The following AZIN1 variants were observed in gnomAD, a reference collection of about 807,000 sequenced individuals.
AZIN1 encodes the protein antizyme inhibitor 1.
In AZIN1, 12 loss-of-function variants were observed where a neutral mutation model predicts 47.4. The observed-to-expected ratio is 0.25, with a 90% CI of 0.16 to 0.41. The LOEUF (loss-of-function observed/expected upper bound fraction) is 0.41. AZIN1 is among the 10% of genes least tolerant of loss of function. AZIN1 has a pLI of 1.00. For missense variants in AZIN1, 410 were observed against 532.4 expected (o/e 0.77, Z 2.26); for synonymous variants, 155 against 176.3 (o/e 0.88, Z 0.96).
At chr8:102,834,850 C>A in intron 6 of AZIN1, 103 bp from the exon 7 acceptor site, 1 of 724,328 alleles carries the variant, frequency 1.4e-6, no homozygotes, top group Non-Finnish European at 2.3e-6. Context: ...CATTAAGTAT[C>A]CCCATTAACT....
chr8:102,833,213 A>T lies in AZIN1; in HGVS notation c.747T>A (p.Asn249Lys). ...TATCCAACAGAGGGCTGATAACATG[A>T]TTAACCTATGGATTTTAAATGCCAC... ...TGTEFQLEEVNHVISPLLDIY... is the reference protein window; with the variant it reads ...TGTEFQLEEVKHVISPLLDIY... The change falls in exon 9 of 12, where the codon AAT (asparagine) becomes AAA (lysine). Residue 249 changes from asparagine (N) to lysine (K), a missense_variant. Transcript: ENST00000337198. 6.2e-7 allele frequency: 1 copy of T among 1,611,762 alleles called. No homozygotes were observed. Among genetic ancestry groups the T allele is most frequent in the Non-Finnish European group, 8.5e-7 (1 of 1,179,084 alleles).
chr8:102,843,401 A>G, intron 3 of AZIN1, 150 bp downstream of exon 3: 1 of 622,216 alleles, frequency 1.6e-6, no homozygotes, highest in South Asian at 2.0e-5. Context: ...TCACTACTCA[A>G]GGGGAGTGGG....
At chr8:102,836,748 C>T (rs971311533) in intron 5 of AZIN1, among the ~76,000 whole-genome samples, 2 of 152,188 alleles carry the variant, frequency 1.3e-5, no homozygotes, top group African/African-American at 4.8e-5. Flanking sequence ...CCATCATTGT[C>T]TTTCAATAAA....
In AZIN1 at chr8:102,852,719, A is replaced by G. The variant is rs2164060; in HGVS notation, c.-96+5294T>C. ...TAATCCCCGTAACCCAGTATGCTAC[A>G]CAGTATTTTCTACTCATGCATAATG... is the stretch of plus-strand genomic sequence containing the variant. On this transcript the variant is annotated intron_variant, in intron 2 of 11. Transcript: ENST00000337198. Among the ~76,000 whole-genome samples, 40 of 152,344 alleles carry G rather than the reference A, an allele frequency of 2.6e-4. No individual in the cohort carries two copies. In the East Asian group the frequency reaches 4.8e-3, roughly 18 times the overall value.
At chr8:102,839,614 A>G (rs369049937) in intron 4 of AZIN1, 36 bp downstream of exon 4, 10 of 1,429,038 alleles carry the variant, frequency 7.0e-6, no homozygotes, top group African/African-American at 1.4e-5. Flanking sequence ...AAATTATTCA[A>G]TGTTTCAGTT....
chr8:102,849,016 A>C (rs994538506), intron 2 of AZIN1, among the ~76,000 whole-genome samples: 2 of 152,062 alleles, frequency 1.3e-5, no homozygotes, highest in African/African-American at 4.8e-5. Context: ...TCAATCTTCA[A>C]CACCACAGGG....
At chr8:102,840,105 T>C (rs1173925788) in intron 3 of AZIN1, among the ~76,000 whole-genome samples, 1 of 152,204 alleles carries the variant, frequency 6.6e-6, no homozygotes, top group Non-Finnish European at 1.5e-5. Context: ...TCAATTACAG[T>C]GACAAAAGTC....
intron 6 of AZIN1, chr8:102,835,005 T>C (rs1430859810): frequency 2.7e-6 from 1 of 373,368 alleles, no homozygotes; most frequent in Middle Eastern, 7.5e-4. Flanking sequence ...TCAGTACTGT[T>C]CCACGGTTAT....
At chr8:102,854,675 T>A (rs1292284670) in intron 2 of AZIN1, 1 of 149,588 alleles carries the variant, frequency 6.7e-6, no homozygotes, top group African/African-American at 2.4e-5. Context: ...GAGCTCCTAC[T>A]AAGGCATGTG....
At chr8:102,841,861 A>G (rs907233299) in intron 3 of AZIN1, among the ~76,000 whole-genome samples, 7 of 151,420 alleles carry the variant, frequency 4.6e-5, no homozygotes, top group Middle Eastern at 3.4e-3. Context: ...CTGTAATCCC[A>G]GCACTTTGGG....
Position 102,838,869 on chromosome 8 carries a change from A to G in AZIN1, c.324T>C (p.Ile108=). The G allele has an allele frequency of 2.5e-6, 4 of 1,613,734 alleles. No homozygotes were observed. Among genetic ancestry groups the G allele is most frequent in the Non-Finnish European group, 3.4e-6 (4 of 1,179,866 alleles). The stretch of plus-strand genomic sequence containing the variant: ...CTTGCTTGCAAGGACTTATGTAAAT[A>G]ATGTTTTCTGGAGGTACACCCAACT... ...VQELGVPPEN[I]IYISPCKQVS... Residue 108 remains isoleucine (I), a synonymous_variant, in exon 5 of 12, where the codon ATT becomes ATC. Coordinates refer to ENST00000337198, the MANE Select transcript of AZIN1 (RefSeq NM_148174.4).
At chr8:102,850,906 A>G (rs1448099578) in intron 2 of AZIN1, among the ~76,000 whole-genome samples, 1 of 152,238 alleles carries the variant, frequency 6.6e-6, no homozygotes, top group African/African-American at 2.4e-5. Context: ...CAACAGGCTA[A>G]GTTTGAAGTG....
rs146727615 is a variant in AZIN1 at position 102,838,862 on chromosome 8, T to C, written c.331A>G (p.Ile111Val). The C allele has an allele frequency of 2.0e-4, 321 of 1,613,748 alleles. No individual in the cohort carries two copies. Among genetic ancestry groups the C allele is most frequent in the Non-Finnish European group, 2.5e-4 (294 of 1,179,898 alleles). Residue 111 changes from isoleucine (I) to valine (V), a missense_variant, in exon 5 of 12, where the codon ATA becomes GTA. By Grantham distance (29) the Ile-to-Val change is conservative (BLOSUM62 3). Transcript: ENST00000337198. ...TGAGACACTTGCTTGCAAGGACTTA[T>C]GTAAATAATGTTTTCTGGAGGTACA... ...LGVPPENIIY[I>V]SPCKQVSQIK...
intron 5 of AZIN1, among the ~76,000 whole-genome samples, chr8:102,837,699 G>GT (rs1379715848): frequency 1.3e-5 from 2 of 152,110 alleles, no homozygotes; most frequent in East Asian, 3.8e-4. Flanking sequence ...TCCACACAAA[G>GT]ATTTACCAGA....
chr8:102,861,773 T>G (rs1813671624), intron 1 of AZIN1, among the ~76,000 whole-genome samples: 1 of 151,474 alleles, frequency 6.6e-6, no homozygotes. Flanking sequence ...CCGGGCGCAG[T>G]GGCTCACGCT....
At chr8:102,850,386 TACA>T (rs1812845607) in intron 2 of AZIN1, among the ~76,000 whole-genome samples, 1 of 152,200 alleles carries the variant, frequency 6.6e-6, no homozygotes, top group African/African-American at 2.4e-5. Flanking sequence ...TTTAAAAATA[TACA>T]ACGTTGCTTA....
At position 102,859,678 on chromosome 8, in the gene AZIN1, A is replaced by T. The variant is rs138020198; in HGVS notation, c.-233-1528T>A. Among the ~76,000 whole-genome samples, 396 of 152,330 alleles carry T rather than the reference A, an allele frequency of 2.6e-3. 3 individuals are homozygous for T. The highest frequency in any genetic ancestry group is 8.8e-3 in the African/African-American group (364 of 41,582). On this transcript the variant is annotated intron_variant, in intron 1 of 11. Coordinates refer to ENST00000337198, the MANE Select transcript of AZIN1 (RefSeq NM_148174.4). Reference sequence around the variant, plus strand: ...AGTGAAATCCCATCTTCTACTAAAAATACAAAAATCAGCTGGGCATGGCGG... The same window carrying T: ...AGTGAAATCCCATCTTCTACTAAAATTACAAAAATCAGCTGGGCATGGCGG...
At chr8:102,833,269 C>G in intron 8 of AZIN1, 51 bp from the exon 9 acceptor site, 1 of 1,531,172 alleles carries the variant, frequency 6.5e-7, no homozygotes, top group Non-Finnish European at 8.9e-7. Flanking sequence ...TTAGATAATT[C>G]GCAATATTCA....
At chr8:102,836,874 C>G (rs929406380) in intron 5 of AZIN1, among the ~76,000 whole-genome samples, 1 of 152,116 alleles carries the variant, frequency 6.6e-6, no homozygotes, top group Non-Finnish European at 1.5e-5. Context: ...AGGTCTCTAA[C>G]TGGAAAAAAA....
Sources: gnomAD v4.1 joint callset for allele counts (sites outside exome capture counted in the v4.1 genomes callset) on GRCh38, gnomAD v4.1.1 for gene constraint, MANE v1.5 for transcripts, NCBI Gene and HGNC (gene_info 2026-07-23, HGNC 2026-07-21) for gene names.